OSBPL10: variants seen among roughly 807,000 people sequenced by gnomAD.
The protein encoded by OSBPL10 is oxysterol-binding protein-related protein 10.
In OSBPL10, 49 loss-of-function variants were observed where a neutral mutation model predicts 81.7. The ratio of observed to expected loss-of-function variants is 0.60; its 90% CI spans 0.48 to 0.76. The LOEUF (loss-of-function observed/expected upper bound fraction) is 0.76. OSBPL10 is among the 30% of genes least tolerant of loss of function. The pLI, the probability that OSBPL10 is intolerant of heterozygous loss-of-function variation, is 0.00. For synonymous variants in OSBPL10, 419 were observed against 383.6 expected, an observed-to-expected ratio of 1.09 and a Z score of -1.08; for missense variants, 923 against 987.8, an observed-to-expected ratio of 0.93 and a Z score of 0.88.
intron 4 of OSBPL10, among the ~76,000 whole-genome samples, chr3:31,826,041 A>G (rs936039986): frequency 3.3e-5 from 5 of 152,172 alleles, no homozygotes; most frequent in East Asian, 1.9e-4. Context: ...AATGTCTTGT[A>G]TTGAATCTAT....
chr3:31,717,138 T>C (rs182543794), intron 6 of OSBPL10: 1 of 152,216 alleles, frequency 6.6e-6, no homozygotes, highest in Non-Finnish European at 1.5e-5. Context: ...GCAGATAATG[T>C]TATAATGTTC....
Position 31,661,997 on chromosome 3 carries a change from A to C in OSBPL10, c.*75T>G. On this transcript the variant is annotated 3_prime_UTR_variant, in exon 12 of 12. Transcript: ENST00000396556. The stretch of plus-strand genomic sequence containing the variant: ...TACAAGGTCTCAGTGAATGCCAACA[A>C]AACCCTGATACTCTACTACTTTAAT... 1 of 1,571,594 alleles carries C rather than the reference A, an allele frequency of 6.4e-7. No homozygotes were observed. The highest frequency in any genetic ancestry group is 1.2e-5 in the South Asian group (1 of 84,724).
At chr3:31,671,691 G>T (rs192770205) in intron 8 of OSBPL10, among the ~76,000 whole-genome samples, 20 of 152,250 alleles carry the variant, frequency 1.3e-4, no homozygotes, top group Middle Eastern at 6.8e-3. Context: ...CAGAGAAAGG[G>T]TTCTCCAACC....
intron 1 of OSBPL10, among the ~76,000 whole-genome samples, chr3:31,897,940 G>A (rs1200580837): frequency 1.4e-5 from 2 of 145,636 alleles, no homozygotes; most frequent in African/African-American, 5.0e-5. Flanking sequence ...CCTGGTAGGA[G>A]GAGGTTGCAG....
intron 4 of OSBPL10, among the ~76,000 whole-genome samples, chr3:31,750,214 C>T (rs1204624537): frequency 1.3e-5 from 2 of 152,054 alleles, no homozygotes; most frequent in South Asian, 2.1e-4. Context: ...GCACCTCCAG[C>T]CCAATCCCAG....
intron 1 of OSBPL10, among the ~76,000 whole-genome samples, chr3:31,912,030 T>C (rs1696594252): frequency 6.6e-6 from 1 of 151,470 alleles, no homozygotes; most frequent in Non-Finnish European, 1.5e-5. Context: ...CGGTACAGTA[T>C]GCCGAAAAAA....
At chr3:31,691,768 A>C (rs1042959339) in intron 7 of OSBPL10, among the ~76,000 whole-genome samples, 2 of 152,076 alleles carry the variant, frequency 1.3e-5, no homozygotes, top group Non-Finnish European at 2.9e-5. Context: ...TAACCTTGGG[A>C]GCCATCTTCG....
intron 7 of OSBPL10, among the ~76,000 whole-genome samples, chr3:31,693,825 T>TGGTA (rs1695629720): frequency 6.6e-6 from 1 of 152,124 alleles, no homozygotes; most frequent in Non-Finnish European, 1.5e-5. Flanking sequence ...TGGAGTGCAG[T>TGGTA]GGTATGATCA....
intron 5 of OSBPL10, among the ~76,000 whole-genome samples, chr3:31,744,661 G>A (rs116409038): frequency 9.8e-4 from 149 of 152,014 alleles, no homozygotes; most frequent in African/African-American, 3.5e-3. Context: ...TAATTTTAGG[G>A]ACACTTCTTG....
intron 1 of OSBPL10, among the ~76,000 whole-genome samples, chr3:31,896,648 C>T (rs546204040): frequency 6.6e-6 from 1 of 152,376 alleles, no homozygotes; most frequent in South Asian, 2.1e-4. Context: ...GGGCCATCCA[C>T]ATCATTGTCA....
At chr3:31,724,268 C>T (rs1210795077) in intron 6 of OSBPL10, among the ~76,000 whole-genome samples, 1 of 152,042 alleles carries the variant, frequency 6.6e-6, no homozygotes, top group East Asian at 1.9e-4. Flanking sequence ...GAGATTATAC[C>T]ACTCGGTGCT....
chr3:31,792,212 G>C (rs1429638078), intron 4 of OSBPL10, among the ~76,000 whole-genome samples: 1 of 147,574 alleles, frequency 6.8e-6, no homozygotes, highest in Non-Finnish European at 1.5e-5. Context: ...CTGGGCAACA[G>C]AGACCCTGTC....
chr3:31,737,399 G>T (rs891089098), intron 5 of OSBPL10, among the ~76,000 whole-genome samples: 4 of 152,128 alleles, frequency 2.6e-5, no homozygotes, highest in African/African-American at 9.7e-5. Context: ...AACATAAGGT[G>T]TTAGAGAAAA....
chr3:31,854,020 C>T (rs1306219821), intron 3 of OSBPL10, among the ~76,000 whole-genome samples: 1 of 152,140 alleles, frequency 6.6e-6, no homozygotes, highest in African/African-American at 2.4e-5. Flanking sequence ...TAACACTGCG[C>T]CTGGCATTTT....
intron 3 of OSBPL10, among the ~76,000 whole-genome samples, chr3:31,838,492 C>T (rs1700414066): frequency 8.0e-6 from 1 of 124,640 alleles, no homozygotes; most frequent in South Asian, 2.5e-4. Flanking sequence ...GCCTGGGCGA[C>T]AGAGCAAGAC....
intron 1 of OSBPL10, among the ~76,000 whole-genome samples, chr3:31,925,354 TC>T (rs1177469120): frequency 6.6e-6 from 1 of 151,840 alleles, no homozygotes; most frequent in Non-Finnish European, 1.5e-5. Flanking sequence ...ATCCTCCACA[TC>T]CCTTCCCACT....
chr3:31,913,607 T>C lies in OSBPL10; in HGVS notation c.282-33777A>G, dbSNP rs117279686. Among the ~76,000 whole-genome samples the C allele has an allele frequency of 0.017, 2,576 of 152,246 alleles. 185 individuals carry two copies. The East Asian group carries it at 0.24, about 14-fold the overall frequency. ...AGCAAAATCAAACTATTCAACCTCT[T>C]TGTGCATGTATTAATTCAGGCTACC... On this transcript the variant is annotated intron_variant, in intron 1 of 11. Coordinates refer to ENST00000396556, the MANE Select transcript of OSBPL10 (RefSeq NM_017784.5).
intron 4 of OSBPL10, among the ~76,000 whole-genome samples, chr3:31,802,392 T>C (rs181495522): frequency 1.2e-3 from 180 of 149,364 alleles, no homozygotes; most frequent in Middle Eastern, 6.8e-3. Context: ...ACCCCATCTC[T>C]ACTAAAAAAA....
At chr3:31,723,690 C>G (rs1231243325) in intron 6 of OSBPL10, among the ~76,000 whole-genome samples, 2 of 152,110 alleles carry the variant, frequency 1.3e-5, no homozygotes, top group African/African-American at 4.8e-5. Context: ...CTACAAAACT[C>G]AATTCAAATT....
Sources: gnomAD v4.1 joint callset for allele counts (sites outside exome capture counted in the v4.1 genomes callset) on GRCh38, gnomAD v4.1.1 for gene constraint, MANE v1.5 for transcripts, NCBI Gene and HGNC (gene_info 2026-07-23, HGNC 2026-07-21) for gene names.